Variants in MYBPC1 observed in about 807,000 individuals in gnomAD.
The protein encoded by MYBPC1 is myosin-binding protein C, slow-type.
A neutral mutation model predicts 147.1 loss-of-function variants in MYBPC1; 52 were observed. The ratio of observed to expected loss-of-function variants is 0.35; its 90% confidence interval spans 0.28 to 0.45. The LOEUF is 0.45. MYBPC1 is among the 20% of genes least tolerant of loss of function. The pLI is 1.00. For missense variants in MYBPC1, 1,228 were observed against 1,440.3 expected, an observed-to-expected ratio of 0.85 and a Z score of 2.39; for synonymous variants, 477 against 475.9, an observed-to-expected ratio of 1.00 and a Z score of -0.03.
Position 101,666,753 on chromosome 12 carries a change from C to A in MYBPC1, c.2357-979C>A. ...TGACGGATTCTCAAAGGTACATCAG[C>A]AAAACAGTCTGATGAAAATGGGGAG... On this transcript the variant is annotated intron_variant, in intron 22 of 31. Transcript: ENST00000361466. 2 of 1,613,740 alleles carry A rather than the reference C, an allele frequency of 1.2e-6. No individual in the cohort carries two copies. The highest frequency in any genetic ancestry group is 1.7e-6 in the Non-Finnish European group (2 of 1,179,732).
intron 6 of MYBPC1, among the ~76,000 whole-genome samples, chr12:101,630,608 C>T (rs922084847): frequency 9.2e-5 from 14 of 152,174 alleles, no homozygotes; most frequent in African/African-American, 2.9e-4. Context: ...ATATCTGAGA[C>T]AGCTGATTGG....
intron 24 of MYBPC1, among the ~76,000 whole-genome samples, chr12:101,671,052 A>G (rs1183146679): frequency 6.6e-6 from 1 of 151,830 alleles, no homozygotes; most frequent in East Asian, 1.9e-4. Flanking sequence ...ACACCTCCAG[A>G]CAGTGCTGTT....
At chr12:101,693,512 G>A in the MYBPC1 span, among the ~76,000 whole-genome samples, 77,941 of 151,882 alleles carry the variant, frequency 0.51, 20,995 homozygotes, top group Admixed American at 0.6. Context: ...AGGTCAAAGC[G>A]GGAGGATCAT....
At chr12:101,638,294 ATCC>A (rs1891386611) in intron 10 of MYBPC1, among the ~76,000 whole-genome samples, 7 of 152,218 alleles carry the variant, frequency 4.6e-5, no homozygotes, top group Non-Finnish European at 1.0e-4. Flanking sequence ...AGGAAAAGAA[ATCC>A]AGTGCCTGGC....
chr12:101,665,830 A>G (rs1274674110), intron 22 of MYBPC1, among the ~76,000 whole-genome samples: 1 of 152,204 alleles, frequency 6.6e-6, no homozygotes, highest in Non-Finnish European at 1.5e-5. Flanking sequence ...AAATACCAAC[A>G]CAGAAGCTCC....
intron 1 of MYBPC1, among the ~76,000 whole-genome samples, chr12:101,598,780 C>A (rs1878554169): frequency 6.6e-6 from 1 of 152,014 alleles, no homozygotes; most frequent in Non-Finnish European, 1.5e-5. Flanking sequence ...GGGGGCCTCA[C>A]AATATTGCCC....
chr12:101,611,004 G>A (rs1884080939), intron 1 of MYBPC1, among the ~76,000 whole-genome samples: 1 of 152,152 alleles, frequency 6.6e-6, no homozygotes, highest in Non-Finnish European at 1.5e-5. Flanking sequence ...AGGATTATAA[G>A]GATTAATATG....
chr12:101,674,365 T>A (rs897972665), intron 25 of MYBPC1, among the ~76,000 whole-genome samples: 13 of 152,162 alleles, frequency 8.5e-5, no homozygotes, highest in Non-Finnish European at 1.9e-4. Flanking sequence ...GAATTTTTTT[T>A]AATATTAATA....
chr12:101,692,107 A>G, the MYBPC1 span, among the ~76,000 whole-genome samples: 1 of 152,166 alleles, frequency 6.6e-6, no homozygotes, highest in African/African-American at 2.4e-5. Flanking sequence ...GGGACAGCCA[A>G]TGGGCCCACA....
intron 23 of MYBPC1, among the ~76,000 whole-genome samples, chr12:101,668,910 A>G: frequency 6.6e-6 from 1 of 152,044 alleles, no homozygotes; most frequent in East Asian, 1.9e-4. Flanking sequence ...AACATGGCAA[A>G]ACCACGTCTT....
chr12:101,675,169 A>G lies in MYBPC1; in HGVS notation c.2810-123A>G, dbSNP rs111987143. 1,343 of 1,319,592 alleles carry G rather than the reference A, an allele frequency of 1.0e-3. 9 individuals are homozygous for G. The African/African-American group carries it at 0.017, about 17-fold the overall frequency. 81.7% of individuals were successfully genotyped at this position (1,319,592 alleles called of 1,614,324 possible). A position where few individuals can be genotyped will look rare whatever the true frequency, so the allele number is the denominator to read the frequency against. On this transcript the variant is annotated intron_variant, in intron 25 of 31. Coordinates refer to ENST00000361466, the MANE Select transcript of MYBPC1 (RefSeq NM_002465.4). The stretch of plus-strand genomic sequence containing the variant: ...AAAGGGTCTCAGAAGCCCCCATGGT[A>G]GGGTCTAGAAGAGTGATGCCTCCTG...
In MYBPC1 at chr12:101,615,655, ACCCCCCGCCCC is replaced by A. The variant is rs1396484751; in HGVS notation, c.61+1139_61+1149del. ...TAAAACATTAGGCAATATTATAAGA[ACCCCCCGCCCC>A]CCCCCCGCCCCCCCACACCAAGCAG... On this transcript the variant is annotated intron_variant, in intron 2 of 31. Coordinates refer to ENST00000361466, the MANE Select transcript of MYBPC1 (RefSeq NM_002465.4). 3.9e-4 allele frequency among the ~76,000 whole-genome samples: 19 copies of A among 48,202 alleles called. 2 individuals are homozygous for A. In the East Asian group the frequency reaches 0.016, roughly 40 times the overall value. The allele number at this position is 48,202 out of a possible 152,430, so 31.6% of individuals were successfully genotyped here.
At chr12:101,647,811 T>A (rs920066467) in intron 13 of MYBPC1, among the ~76,000 whole-genome samples, 3 of 152,068 alleles carry the variant, frequency 2.0e-5, no homozygotes, top group African/African-American at 7.2e-5. Context: ...TGCTTGAACC[T>A]AGGGGGTGGA....
At chr12:101,598,363 A>G (rs1429919447) in intron 1 of MYBPC1, among the ~76,000 whole-genome samples, 2 of 152,094 alleles carry the variant, frequency 1.3e-5, no homozygotes, top group East Asian at 3.9e-4. Context: ...CCAGTCAAAA[A>G]GAAATTTTAT....
intron 10 of MYBPC1, among the ~76,000 whole-genome samples, chr12:101,641,773 ATC>A (rs1892096688): frequency 2.0e-5 from 3 of 152,148 alleles, no homozygotes; most frequent in African/African-American, 7.2e-5. Context: ...TTTTAAAACC[ATC>A]AGTATCCATA....
At chr12:101,690,078 G>A (rs1951393607), downstream of MYBPC1, among the ~76,000 whole-genome samples, 1 of 152,182 alleles carries the variant, frequency 6.6e-6, no homozygotes, top group South Asian at 2.1e-4. Context: ...GGGAGGCTGA[G>A]GCAGAAGAAT....
At chr12:101,664,043 C>A (rs1897024442) in intron 22 of MYBPC1, among the ~76,000 whole-genome samples, 1 of 152,128 alleles carries the variant, frequency 6.6e-6, no homozygotes, top group Admixed American at 6.5e-5. Flanking sequence ...GAATTAAGAA[C>A]TGCTCTTAGT....
Position 101,669,671 on chromosome 12 carries a change from T to C in MYBPC1, c.2525-650T>C, listed in dbSNP as rs569473224. ...TGAATAACTGGCCAGACGCGGTGGC[T>C]CATGCCGGTAATCCCAGCACTTTGG... On this transcript the variant is annotated intron_variant, in intron 23 of 31. Coordinates refer to ENST00000361466, the MANE Select transcript of MYBPC1 (RefSeq NM_002465.4). Among the ~76,000 whole-genome samples, 15 of 152,228 alleles carry C rather than the reference T, an allele frequency of 9.9e-5. No homozygotes were observed. In the East Asian group the frequency reaches 2.1e-3, roughly 22 times the overall value.
chr12:101,596,782 T>C (rs965076248), intron 1 of MYBPC1, among the ~76,000 whole-genome samples: 11 of 152,108 alleles, frequency 7.2e-5, no homozygotes, highest in African/African-American at 2.4e-4. Context: ...CCCCAATATA[T>C]ATTTTTTTCT....
Sources: gnomAD v4.1 joint callset for allele counts (sites outside exome capture counted in the v4.1 genomes callset) on GRCh38, gnomAD v4.1.1 for gene constraint, MANE v1.5 for transcripts, NCBI Gene and HGNC (gene_info 2026-07-23, HGNC 2026-07-21) for gene names.